The following PPP1R9A variants were observed in gnomAD, a reference collection of about 807,000 sequenced individuals.
PPP1R9A encodes protein phosphatase 1 regulatory subunit 9A, also known as neurabin-1.
A neutral mutation model predicts 141.9 loss-of-function variants in PPP1R9A; 59 were observed. That is an observed-to-expected ratio of 0.42 (90% CI 0.34 to 0.52). The LOEUF (loss-of-function observed/expected upper bound fraction) is 0.52, where lower values mean the gene tolerates loss of function less well. Ranked by LOEUF, PPP1R9A falls within the 20% of genes least tolerant of loss-of-function variation. The pLI is 0.10. For missense variants in PPP1R9A, 1,444 were observed against 1,611.9 expected, an observed-to-expected ratio of 0.90 and a Z score of 1.78; for synonymous variants, 500 against 569.7, an observed-to-expected ratio of 0.88 and a Z score of 1.74.
At chr7:94,952,252 C>T (rs962853963) in intron 2 of PPP1R9A, among the ~76,000 whole-genome samples, 4 of 152,092 alleles carry the variant, frequency 2.6e-5, no homozygotes, top group Non-Finnish European at 4.4e-5. Flanking sequence ...TGGTTTCCAG[C>T]TTCATCCATG....
At chr7:94,908,878 G>A (rs750443748) in intron 1 of PPP1R9A, among the ~76,000 whole-genome samples, 1 of 152,210 alleles carries the variant, frequency 6.6e-6, no homozygotes, top group Non-Finnish European at 1.5e-5. Context: ...GCCGAGTTTG[G>A]AGACGGTTTA....
At chr7:95,234,140 T>C (rs1480187789) in intron 8 of PPP1R9A, among the ~76,000 whole-genome samples, 1 of 152,152 alleles carries the variant, frequency 6.6e-6, no homozygotes, top group African/African-American at 2.4e-5. Flanking sequence ...ATGCCCACTT[T>C]CAGTACTTGC....
intron 8 of PPP1R9A, among the ~76,000 whole-genome samples, chr7:95,230,858 G>T (rs1209283338): frequency 6.6e-6 from 1 of 152,032 alleles, no homozygotes. Flanking sequence ...TAGAAAAAAA[G>T]GTATTCAAGC....
rs1806728490 is a variant in PPP1R9A at position 95,294,038 on chromosome 7, C to T, written c.*3735C>T. ...TCCATTTGAGTAACTAAAGGTACTC[C>T]TGACAGAGCTGGAGATGAGGGGCAT... On this transcript the variant is annotated 3_prime_UTR_variant, in exon 20 of 20. Transcript: ENST00000433360. The T allele has an allele frequency of 6.6e-6, 1 of 152,132 alleles. No individual in the cohort carries two copies. Among genetic ancestry groups the T allele is most frequent in the Non-Finnish European group, 1.5e-5 (1 of 68,054 alleles). The allele number at this position is 152,132 out of a possible 1,614,324, so 9.4% of individuals were successfully genotyped here.
chr7:94,978,877 A>C (rs573663237), intron 2 of PPP1R9A, among the ~76,000 whole-genome samples: 6 of 152,272 alleles, frequency 3.9e-5, no homozygotes, highest in African/African-American at 1.2e-4. Context: ...GCTCACTACA[A>C]CCTTCGCCTC....
chr7:95,129,738 G>A (rs1370369133), intron 4 of PPP1R9A, among the ~76,000 whole-genome samples: 1 of 152,198 alleles, frequency 6.6e-6, no homozygotes, highest in African/African-American at 2.4e-5. Context: ...GTCCTCAGAT[G>A]GAGAAGAGGA....
At chr7:95,084,126 T>C (rs1176666285) in intron 2 of PPP1R9A, among the ~76,000 whole-genome samples, 1 of 152,046 alleles carries the variant, frequency 6.6e-6, no homozygotes, top group African/African-American at 2.4e-5. Flanking sequence ...CATCAGTTTA[T>C]TAAAATAGAA....
chr7:95,139,074 A>C (rs1261237681), intron 4 of PPP1R9A, among the ~76,000 whole-genome samples: 1 of 152,244 alleles, frequency 6.6e-6, no homozygotes, highest in Non-Finnish European at 1.5e-5. Context: ...CATAATAGAC[A>C]AAATCAGGAA....
intron 7 of PPP1R9A, among the ~76,000 whole-genome samples, chr7:95,222,817 T>G (rs184970764): frequency 1.3e-3 from 194 of 152,180 alleles, no homozygotes; most frequent in African/African-American, 4.2e-3. Flanking sequence ...CAATCTAATT[T>G]TGCGGTTTAC....
intron 5 of PPP1R9A, among the ~76,000 whole-genome samples, chr7:95,170,019 TATG>T (rs146234820): frequency 0.085 from 12,945 of 151,810 alleles, 772 homozygotes; most frequent in Middle Eastern, 0.2. Context: ...AAGGGCTGAG[TATG>T]ATAAGTAGAT....
intron 4 of PPP1R9A, among the ~76,000 whole-genome samples, chr7:95,124,375 G>A (rs958650030): frequency 1.3e-5 from 2 of 151,584 alleles, no homozygotes; most frequent in Admixed American, 6.6e-5. Context: ...CTCTCTCTTT[G>A]TTCCTTTTTG....
intron 2 of PPP1R9A, among the ~76,000 whole-genome samples, chr7:95,055,236 C>T (rs1811353403): frequency 6.6e-6 from 1 of 151,230 alleles, no homozygotes; most frequent in East Asian, 1.9e-4. Context: ...TATATATTTT[C>T]CATTCCTCTC....
In PPP1R9A at chr7:95,290,436, T is replaced by C; in HGVS notation, c.*133T>C. ...CGGCTCTAGGCCGGCTGAGGAACTG[T>C]GTGTTGAATAACTGCATTTTCTGCA... On this transcript the variant is annotated 3_prime_UTR_variant, in exon 20 of 20. Coordinates refer to ENST00000433360, the MANE Select transcript of PPP1R9A (RefSeq NM_001166160.2). 1 of 1,015,754 alleles carries C rather than the reference T, an allele frequency of 9.8e-7. No individual in the cohort carries two copies. Among genetic ancestry groups the C allele is most frequent in the East Asian group, 2.6e-5 (1 of 37,902 alleles). The allele number at this position is 1,015,754 out of a possible 1,614,324, so 62.9% of individuals were successfully genotyped here.
intron 4 of PPP1R9A, among the ~76,000 whole-genome samples, chr7:95,136,661 T>C (rs548242922): frequency 2.6e-5 from 4 of 152,326 alleles, no homozygotes; most frequent in Admixed American, 2.6e-4. Context: ...TTCTTTTAAG[T>C]CTCATTAACA....
chr7:95,093,622 A>G (rs950440652), intron 2 of PPP1R9A, among the ~76,000 whole-genome samples: 2 of 152,218 alleles, frequency 1.3e-5, no homozygotes, highest in African/African-American at 4.8e-5. Flanking sequence ...TTTGCCAGGA[A>G]AAACCTACCC....
intron 5 of PPP1R9A, among the ~76,000 whole-genome samples, chr7:95,171,551 A>G (rs1346023135): frequency 6.6e-6 from 1 of 151,636 alleles, no homozygotes. Flanking sequence ...AACCAATATT[A>G]TGAAGAACTT....
intron 2 of PPP1R9A, among the ~76,000 whole-genome samples, chr7:95,034,325 A>T (rs1385873604): frequency 6.6e-6 from 1 of 151,868 alleles, no homozygotes; most frequent in African/African-American, 2.4e-5. Context: ...CATTTTTAAA[A>T]TACAGCATTA....
At chr7:95,249,958 AT>A (rs1798647324) in intron 9 of PPP1R9A, 67 bp from the exon 10 acceptor site, 2 of 1,477,098 alleles carry the variant, frequency 1.4e-6, no homozygotes, top group Admixed American at 5.5e-5. Flanking sequence ...ACAACATGCT[AT>A]AAAAATGAGA....
chr7:95,113,913 T>A (rs1290972866), intron 3 of PPP1R9A, among the ~76,000 whole-genome samples: 1 of 152,166 alleles, frequency 6.6e-6, no homozygotes, highest in Non-Finnish European at 1.5e-5. Context: ...AGAATACTAG[T>A]CATATTACAC....
Sources: gnomAD v4.1 joint callset for allele counts (sites outside exome capture counted in the v4.1 genomes callset) on GRCh38, gnomAD v4.1.1 for gene constraint, MANE v1.5 for transcripts, NCBI Gene and HGNC (gene_info 2026-07-23, HGNC 2026-07-21) for gene names.